Variants in DPH6 observed in about 807,000 individuals in gnomAD.
DPH6 encodes diphthamine biosynthesis 6, also known as diphthine--ammonia ligase.
A neutral mutation model predicts 38.2 loss-of-function variants in DPH6; 33 were observed. The ratio of observed to expected loss-of-function variants is 0.86; its 90% confidence interval spans 0.65 to 1.15. The LOEUF is 1.15. DPH6 is among the 50% of genes most tolerant of loss of function. The probability of loss-of-function intolerance (pLI) is 0.00; values close to 1 mark genes in which losing one functional copy is unlikely to be tolerated. For synonymous variants in DPH6, 108 were observed against 103.0 expected, an observed-to-expected ratio of 1.05 and a Z score of -0.30; for missense variants, 325 against 320.0, an observed-to-expected ratio of 1.02 and a Z score of -0.12.
At chr15:35,208,194 G>A in the DPH6 span, among the ~76,000 whole-genome samples, 1 of 152,036 alleles carries the variant, frequency 6.6e-6, no homozygotes, top group Non-Finnish European at 1.5e-5. Flanking sequence ...AATACCAAAC[G>A]AAGTCCCTGG....
chr15:35,260,385 C>T (rs1251135510), intron 3 of DPH6, among the ~76,000 whole-genome samples: 2 of 151,906 alleles, frequency 1.3e-5, no homozygotes, highest in African/African-American at 2.4e-5. Flanking sequence ...GGATTACAGG[C>T]GTGAGCCACC....
intron 3 of DPH6, among the ~76,000 whole-genome samples, chr15:35,513,991 T>G (rs1040088238): frequency 2.6e-5 from 4 of 152,062 alleles, no homozygotes; most frequent in Non-Finnish European, 5.9e-5. Context: ...GACTGATCAA[T>G]TGATTCTAAG....
At chr15:35,423,048 T>C (rs1442938382) in intron 5 of DPH6, among the ~76,000 whole-genome samples, 3 of 151,834 alleles carry the variant, frequency 2.0e-5, no homozygotes, top group East Asian at 1.9e-4. Context: ...CTTGGAGATA[T>C]TGATTTAATT....
chr15:35,197,634 T>G, the DPH6 span, among the ~76,000 whole-genome samples: 1 of 152,198 alleles, frequency 6.6e-6, no homozygotes, highest in Non-Finnish European at 1.5e-5. Context: ...TCTATTGCTT[T>G]AGGGTTTCTA....
chr15:35,327,918 CTT>C (rs1387201794), downstream of DPH6, among the ~76,000 whole-genome samples: 1 of 152,174 alleles, frequency 6.6e-6, no homozygotes, highest in Non-Finnish European at 1.5e-5. Context: ...CCACTTGACT[CTT>C]TAGTTATTTG....
At chr15:35,525,286 C>T (rs921478828) in intron 3 of DPH6, among the ~76,000 whole-genome samples, 6 of 152,232 alleles carry the variant, frequency 3.9e-5, no homozygotes, top group Non-Finnish European at 7.4e-5. Flanking sequence ...CTATTTAGAA[C>T]AAGCCATGTC....
the DPH6 span, among the ~76,000 whole-genome samples, chr15:35,205,265 C>T: frequency 6.6e-6 from 1 of 151,814 alleles, no homozygotes; most frequent in African/African-American, 2.4e-5. Context: ...ATTCTCTATG[C>T]CATTTTAATC....
At chr15:35,224,100 G>GTTTTTTT (rs142813866) in intron 3 of DPH6, among the ~76,000 whole-genome samples, 131 of 88,880 alleles carry the variant, frequency 1.5e-3, no homozygotes, top group Non-Finnish European at 2.0e-3. Context: ...CATGATTTTA[G>GTTTTTTT]TTTTTTTTTT....
At chr15:35,539,772 A>G (rs1316578153) in intron 2 of DPH6, among the ~76,000 whole-genome samples, 2 of 152,056 alleles carry the variant, frequency 1.3e-5, no homozygotes, top group Non-Finnish European at 2.9e-5. Flanking sequence ...TCCTATCAAA[A>G]GGAATGAAAA....
intron 3 of DPH6, among the ~76,000 whole-genome samples, chr15:35,268,282 T>C (rs1450438835): frequency 6.6e-6 from 1 of 151,898 alleles, no homozygotes; most frequent in African/African-American, 2.4e-5. Flanking sequence ...GTAGCCATAT[T>C]TGCAGCAAGA....
At chr15:35,469,379 T>TA (rs1287228406) in intron 3 of DPH6, among the ~76,000 whole-genome samples, 35 of 151,958 alleles carry the variant, frequency 2.3e-4, no homozygotes, top group African/African-American at 8.5e-4. Context: ...TGTATAGGAG[T>TA]AGTGATCAGA....
chr15:35,285,872 G>GTATTATTTTTTTTTTTTTTTT (rs1555391173), intron 3 of DPH6, among the ~76,000 whole-genome samples: 1 of 52,794 alleles, frequency 1.9e-5, no homozygotes, highest in Non-Finnish European at 3.3e-5. Flanking sequence ...TTATCTTTGA[G>GTATTATTTTTTTTTTTTTTTT]TTTTTTTTTT....
At chr15:35,320,131 G>GAT (rs1314427343) in intron 3 of DPH6, among the ~76,000 whole-genome samples, 1 of 150,716 alleles carries the variant, frequency 6.6e-6, no homozygotes, top group Non-Finnish European at 1.5e-5. Flanking sequence ...TTTTTTTTCA[G>GAT]ATATATTATC....
chr15:35,246,140 C>A (rs953470421), intron 3 of DPH6, among the ~76,000 whole-genome samples: 1 of 152,170 alleles, frequency 6.6e-6, no homozygotes, highest in Non-Finnish European at 1.5e-5. Context: ...CGGCCCCACC[C>A]CTATCTCCCT....
chr15:35,533,128 C>T (rs1170190583), intron 3 of DPH6, among the ~76,000 whole-genome samples: 2 of 150,650 alleles, frequency 1.3e-5, no homozygotes, highest in African/African-American at 4.9e-5. Flanking sequence ...AAAGAATCAT[C>T]TAGGATGGTT....
the DPH6 span, among the ~76,000 whole-genome samples, chr15:35,176,890 T>C: frequency 6.6e-6 from 1 of 152,220 alleles, no homozygotes; most frequent in Admixed American, 6.5e-5. Context: ...AGGTGACATG[T>C]GAAATATCAA....
chr15:35,437,805 A>T (rs1290386140), intron 5 of DPH6, among the ~76,000 whole-genome samples: 1 of 152,232 alleles, frequency 6.6e-6, no homozygotes, highest in Non-Finnish European at 1.5e-5. Context: ...CCTTGGAAGC[A>T]TGACCTGTAA....
chr15:35,447,532 G>A (rs1051568400), intron 5 of DPH6, among the ~76,000 whole-genome samples: 6 of 151,994 alleles, frequency 3.9e-5, no homozygotes, highest in African/African-American at 1.5e-4. Context: ...TAAACCCACA[G>A]GGACAGTAAA....
chr15:35,391,431 C>T (rs62002898), intron 6 of DPH6, among the ~76,000 whole-genome samples: 39,816 of 152,070 alleles, frequency 0.26, 5,391 homozygotes, highest in South Asian at 0.38. Context: ...CTGTGCCCTG[C>T]CCCCAGAGGT....
Sources: allele counts gnomAD v4.1 joint callset (sites outside exome capture counted in the v4.1 genomes callset), GRCh38; gene constraint gnomAD v4.1.1; transcripts MANE v1.5; gene names NCBI Gene and HGNC (gene_info 2026-07-23, HGNC 2026-07-21).